The following PAPPA variants were observed in gnomAD, a reference collection of about 807,000 sequenced individuals.
PAPPA encodes the protein pappalysin-1.
PAPPA carries 60 observed loss-of-function variants against 164.0 expected under a neutral mutation model. The ratio of observed to expected loss-of-function variants is 0.37; its 90% CI spans 0.30 to 0.45. PAPPA has a LOEUF of 0.45. Among genes scored for constraint, PAPPA ranks in the 20% least tolerant of loss-of-function variants. The pLI, the probability that PAPPA is intolerant of heterozygous loss-of-function variation, is 1.00. For synonymous variants in PAPPA, 875 were observed against 814.1 expected, an observed-to-expected ratio of 1.07 and a Z score of -1.27; for missense variants, 1,782 against 2,087.3, an observed-to-expected ratio of 0.85 and a Z score of 2.85.
At chr9:116,343,741 T>TTTTTTTTATTTA (rs1554753946) in intron 13 of PAPPA, among the ~76,000 whole-genome samples, 44 of 142,230 alleles carry the variant, frequency 3.1e-4, no homozygotes, top group Non-Finnish European at 2.7e-4. Flanking sequence ...TACCACTTAT[T>TTTTTTTTATTTA]TTTATTTATT....
intron 5 of PAPPA, 152 bp downstream of exon 5, chr9:116,220,281 G>A (rs2118705959): frequency 2.0e-6 from 1 of 499,860 alleles, no homozygotes; most frequent in Non-Finnish European, 3.5e-6. Flanking sequence ...TGTAAATTTG[G>A]GATCAGGGAA....
chr9:116,166,973 G>A (rs939552490), intron 1 of PAPPA, among the ~76,000 whole-genome samples: 2 of 152,042 alleles, frequency 1.3e-5, no homozygotes, highest in African/African-American at 2.4e-5. Flanking sequence ...AGAGAGGGAG[G>A]GATAGAGGAA....
At chr9:116,251,601 A>G (rs1463800307) in intron 7 of PAPPA, among the ~76,000 whole-genome samples, 1 of 152,140 alleles carries the variant, frequency 6.6e-6, no homozygotes, top group Non-Finnish European at 1.5e-5. Flanking sequence ...CTCGATTTTC[A>G]CACTCTGCAG....
At chr9:116,289,628 T>C (rs1243554264) in intron 9 of PAPPA, among the ~76,000 whole-genome samples, 2 of 152,108 alleles carry the variant, frequency 1.3e-5, no homozygotes, top group Non-Finnish European at 2.9e-5. Flanking sequence ...GTTGCCACTT[T>C]ATACAGAGAA....
intron 9 of PAPPA, among the ~76,000 whole-genome samples, chr9:116,272,199 A>G (rs1012425356): frequency 2.0e-5 from 3 of 152,232 alleles, no homozygotes; most frequent in African/African-American, 7.2e-5. Context: ...GAGCTGGTCC[A>G]GATGAGATCA....
intron 1 of PAPPA, among the ~76,000 whole-genome samples, chr9:116,186,206 A>G (rs1320362153): frequency 2.1e-5 from 3 of 145,176 alleles, no homozygotes; most frequent in African/African-American, 7.7e-5. Flanking sequence ...CACTCATTAT[A>G]TGTGTGTGTG....
At chr9:116,263,414 A>G (rs1041250764) in intron 7 of PAPPA, among the ~76,000 whole-genome samples, 1 of 152,196 alleles carries the variant, frequency 6.6e-6, no homozygotes. Flanking sequence ...CACGGCACAC[A>G]TGGTAGATGA....
chr9:116,295,236 C>T (rs1845487355), intron 9 of PAPPA, among the ~76,000 whole-genome samples: 1 of 152,046 alleles, frequency 6.6e-6, no homozygotes, highest in African/African-American at 2.4e-5. Flanking sequence ...GGGTAATCAA[C>T]TATTTTGCTC....
intron 1 of PAPPA, among the ~76,000 whole-genome samples, chr9:116,169,020 G>A (rs1843745215): frequency 6.6e-6 from 1 of 152,122 alleles, no homozygotes; most frequent in South Asian, 2.1e-4. Context: ...CTCCAAATAA[G>A]GAATAACATA....
rs183113869 is a variant in PAPPA at position 116,234,358 on chromosome 9, G to A, written c.2234-781G>A. On this transcript the variant is annotated intron_variant, in intron 6 of 21. Transcript: ENST00000328252. ...TCCTGAGTGAGACAGAACAGAGTGCGGAGAAGCTCAGTGGTATGGAATGAC... is the reference window on the plus strand; with the variant it reads ...TCCTGAGTGAGACAGAACAGAGTGCAGAGAAGCTCAGTGGTATGGAATGAC... Among the ~76,000 whole-genome samples the A allele has an allele frequency of 1.8e-4, 27 of 152,258 alleles. No homozygotes were observed. The South Asian group carries it at 4.8e-3, about 27-fold the overall frequency.
intron 1 of PAPPA, among the ~76,000 whole-genome samples, chr9:116,177,158 T>C (rs1301534229): frequency 1.3e-5 from 2 of 152,182 alleles, no homozygotes; most frequent in Admixed American, 6.5e-5. Context: ...ATGATGCCCA[T>C]TTCTTGGATG....
intron 1 of PAPPA, among the ~76,000 whole-genome samples, chr9:116,169,123 G>A (rs1297364961): frequency 6.6e-6 from 1 of 152,036 alleles, no homozygotes; most frequent in Non-Finnish European, 1.5e-5. Context: ...CAGACACATT[G>A]TGAGTGGCAT....
intron 6 of PAPPA, among the ~76,000 whole-genome samples, chr9:116,234,222 A>C (rs1179393422): frequency 1.3e-5 from 2 of 152,132 alleles, no homozygotes; most frequent in African/African-American, 4.8e-5. Context: ...GCAGAGAAAA[A>C]TTCAGAAGTC....
intron 1 of PAPPA, among the ~76,000 whole-genome samples, chr9:116,174,200 G>A (rs925589921): frequency 6.6e-6 from 1 of 152,172 alleles, no homozygotes; most frequent in Non-Finnish European, 1.5e-5. Flanking sequence ...AGCATCAGCT[G>A]TCATTGCCCT....
intron 18 of PAPPA, among the ~76,000 whole-genome samples, chr9:116,364,689 CAG>C (rs749273997): frequency 3.1e-4 from 47 of 152,164 alleles, no homozygotes; most frequent in Non-Finnish European, 5.6e-4. Flanking sequence ...ATATTTTATT[CAG>C]ATGTCTCAAC....
At chr9:116,335,194 A>C (rs1392061592) in intron 13 of PAPPA, 120 bp downstream of exon 13, 2 of 806,412 alleles carry the variant, frequency 2.5e-6, no homozygotes, top group Non-Finnish European at 4.0e-6. Flanking sequence ...TCCCTTCTCC[A>C]TCCATCCTCT....
chr9:116,396,482 C>T (rs1846964615), intron 21 of PAPPA, 27 bp from the exon 22 acceptor site: 2 of 780,302 alleles, frequency 2.6e-6, no homozygotes, highest in Non-Finnish European at 4.8e-6. Context: ...CAGACCAAAT[C>T]ACCTGATTCA....
chr9:116,366,386 TTA>T (rs1267019907), intron 18 of PAPPA, among the ~76,000 whole-genome samples: 1 of 152,224 alleles, frequency 6.6e-6, no homozygotes, highest in Non-Finnish European at 1.5e-5. Flanking sequence ...CCTATCTCTA[TTA>T]GTCATTTACC....
At chr9:116,261,507 A>T (rs772059181) in intron 7 of PAPPA, among the ~76,000 whole-genome samples, 12 of 152,222 alleles carry the variant, frequency 7.9e-5, no homozygotes, top group Non-Finnish European at 1.6e-4. Flanking sequence ...ACAGAAAAAC[A>T]GACCCCCGCA....
Sources: gnomAD v4.1 joint callset for allele counts (sites outside exome capture counted in the v4.1 genomes callset) on GRCh38, gnomAD v4.1.1 for gene constraint, MANE v1.5 for transcripts, NCBI Gene and HGNC (gene_info 2026-07-23, HGNC 2026-07-21) for gene names.